Variants in USP9X observed in about 807,000 individuals in gnomAD.
USP9X encodes the protein ubiquitin carboxyl-terminal hydrolase 9X.
USP9X carries 7 observed loss-of-function variants against 190.3 expected under a neutral mutation model. That is an observed-to-expected ratio of 0.04 (90% CI 0.02 to 0.07). The LOEUF (loss-of-function observed/expected upper bound fraction) is 0.07. Ranked by LOEUF, USP9X falls within the 10% of genes least tolerant of loss-of-function variation. The pLI is 1.00. For synonymous variants in USP9X, 645 were observed against 659.5 expected, an observed-to-expected ratio of 0.98 and a Z score of 0.34; for missense variants, 1,010 against 1,916.9, an observed-to-expected ratio of 0.53 and a Z score of 8.83.
intron 4 of USP9X, among the ~76,000 whole-genome samples, chrX:41,132,228 A>G (rs910215837): frequency 5.6e-5 from 6 of 106,423 alleles, no homozygotes; most frequent in East Asian, 2.9e-4. Context: ...TCTACCTCCT[A>G]TGTTCAAGCA....
Position 41,089,652 on chromosome X carries a change from TTC to T in USP9X, c.-159+3545_-159+3546del, listed in dbSNP as rs1360734234. Among the ~76,000 whole-genome samples the T allele has an allele frequency of 8.0e-5, 9 of 111,945 alleles. No homozygotes were observed. In the East Asian group the frequency reaches 1.7e-3, roughly 21 times the overall value. ...AATTACCGTTTAGTGTCACATGAAA[TTC>T]TGTTATCTCAGTTTGAGAATTTAGA... On this transcript the variant is annotated intron_variant, in intron 1 of 44. Coordinates refer to ENST00000378308, the MANE Select transcript of USP9X (RefSeq NM_001039591.3).
intron 1 of USP9X, among the ~76,000 whole-genome samples, chrX:41,111,653 A>G (rs1221438361): frequency 9.0e-6 from 1 of 110,861 alleles, no homozygotes; most frequent in East Asian, 2.8e-4. Flanking sequence ...AACTAAGCAG[A>G]CTGCTTTGTT....
chrX:41,175,797 A>G (rs1172233636), intron 21 of USP9X, among the ~76,000 whole-genome samples: 1 of 109,716 alleles, frequency 9.1e-6, no homozygotes, highest in Admixed American at 9.8e-5. Flanking sequence ...GAATATATAT[A>G]TGTGTGTAAG....
intron 23 of USP9X, 29 bp downstream of exon 23, chrX:41,184,704 A>G (rs778627321): frequency 5.4e-6 from 6 of 1,112,107 alleles, no homozygotes; most frequent in Non-Finnish European, 7.3e-6. Flanking sequence ...AAATCCTTTT[A>G]TAATAGTAGA....
chrX:41,168,684 G>A (rs2062698977), intron 18 of USP9X, among the ~76,000 whole-genome samples: 1 of 111,346 alleles, frequency 9.0e-6, no homozygotes, highest in African/African-American at 3.3e-5. Context: ...TTGTGGAGGT[G>A]GGGTTTCACT....
At chrX:41,195,046 C>CTTTTTTTTTTTT (rs931341447) in intron 26 of USP9X, among the ~76,000 whole-genome samples, 6 of 104,686 alleles carry the variant, frequency 5.7e-5, no homozygotes, top group Non-Finnish European at 7.8e-5. Context: ...TTTTTTCTTT[C>CTTTTTTTTTTTT]TTTTTTTTGG....
intron 10 of USP9X, 142 bp from the exon 11 acceptor site, chrX:41,144,380 G>T (rs2147056965): frequency 2.0e-6 from 1 of 488,255 alleles, no homozygotes; most frequent in African/African-American, 2.5e-5. Context: ...CCACTGTGCG[G>T]GCTGTGTTAG....
At chrX:41,200,454 T>C (rs2063031648) in intron 30 of USP9X, among the ~76,000 whole-genome samples, 1 of 111,912 alleles carries the variant, frequency 8.9e-6, no homozygotes, top group African/African-American at 3.3e-5. Flanking sequence ...GTACAGTGAT[T>C]TACAATTATC....
intron 36 of USP9X, among the ~76,000 whole-genome samples, 190 bp downstream of exon 36, chrX:41,217,533 G>A (rs2063223448): frequency 8.9e-6 from 1 of 111,770 alleles, no homozygotes; most frequent in African/African-American, 3.3e-5. Flanking sequence ...TTGTTATTCA[G>A]AAGCTGACTT....
intron 18 of USP9X, 76 bp downstream of exon 18, chrX:41,168,294 C>A: frequency 1.1e-6 from 1 of 899,941 alleles, no homozygotes; most frequent in Non-Finnish European, 1.5e-6. Flanking sequence ...AAAAGGAGAG[C>A]AGAAATTTTT....
chrX:41,086,790 G>T (rs970049647), intron 1 of USP9X, among the ~76,000 whole-genome samples: 4 of 112,696 alleles, frequency 3.5e-5, no homozygotes, highest in Non-Finnish European at 7.5e-5. Flanking sequence ...TTCCAAGCTA[G>T]CTTGGACCTA....
chrX:41,201,939 C>G (rs2063045643), intron 31 of USP9X, among the ~76,000 whole-genome samples: 1 of 111,589 alleles, frequency 9.0e-6, no homozygotes, highest in African/African-American at 3.3e-5. Flanking sequence ...CCAGTGCACT[C>G]CAGCCTAGGT....
At chrX:41,143,527 GA>G in intron 10 of USP9X, 84 bp downstream of exon 10, 1 of 891,503 alleles carries the variant, frequency 1.1e-6, no homozygotes, top group Non-Finnish European at 1.5e-6. Flanking sequence ...TCATGAAATG[GA>G]TGCAGGCTTG....
At position 41,147,450 on chromosome X, in the gene USP9X, G is replaced by GTTT. The variant is rs760854080; in HGVS notation, c.1420-901_1420-899dup. ...ATCTTCTCTCATTAACTTAATCGTTGTTTTTTTTTTTTTTTTTTTTGGAGA... is the reference window on the plus strand; with the variant it reads ...ATCTTCTCTCATTAACTTAATCGTTGTTTTTTTTTTTTTTTTTTTTTTTGGAGA... On this transcript the variant is annotated intron_variant, in intron 11 of 44. Coordinates refer to ENST00000378308, the MANE Select transcript of USP9X (RefSeq NM_001039591.3). Among the ~76,000 whole-genome samples, 111 of 69,750 alleles carry GTTT rather than the reference G, an allele frequency of 1.6e-3. 1 individual carries two copies. The highest frequency in any genetic ancestry group is 1.7e-3 in the Non-Finnish European group (65 of 38,268). The allele number at this position is 69,750 out of a possible 115,157, so 60.6% of individuals were successfully genotyped here.
rs141329802 is a variant in USP9X at position 41,135,717 on chromosome X, G to A, written c.435+880G>A. On this transcript the variant is annotated intron_variant, in intron 5 of 44. Coordinates refer to ENST00000378308, the MANE Select transcript of USP9X (RefSeq NM_001039591.3). ...GCGATCTCAGCTCACTGCAACCTCC[G>A]CCTCCCAGGTTGAAGTGATTCTTCT... 8.5e-3 allele frequency among the ~76,000 whole-genome samples: 946 copies of A among 111,295 alleles called. 9 individuals are homozygous for A. Among genetic ancestry groups the A allele is most frequent in the Middle Eastern group, 0.037 (8 of 216 alleles).
chrX:41,088,729 C>T (rs1339779220), intron 1 of USP9X, among the ~76,000 whole-genome samples: 1 of 108,965 alleles, frequency 9.2e-6, no homozygotes, highest in African/African-American at 3.4e-5. Context: ...TGTTTCCCCT[C>T]TTGTAGGTAT....
intron 24 of USP9X, 145 bp from the exon 25 acceptor site, chrX:41,187,847 T>C: frequency 1.8e-6 from 1 of 566,063 alleles, no homozygotes; most frequent in Non-Finnish European, 2.6e-6. Context: ...TTTTTTTTTT[T>C]TAAGACAAAG....
intron 12 of USP9X, among the ~76,000 whole-genome samples, chrX:41,149,515 C>T (rs1812052982): frequency 9.2e-6 from 1 of 109,182 alleles, no homozygotes; most frequent in African/African-American, 3.3e-5. Context: ...CTTCTGCTTG[C>T]CAAAACTGTT....
At chrX:41,153,188 T>C in intron 14 of USP9X, 107 bp downstream of exon 14, 1 of 839,592 alleles carries the variant, frequency 1.2e-6, no homozygotes, top group Non-Finnish European at 1.6e-6. Context: ...TAAGATCCAC[T>C]ATTACTCCCA....
Sources: gnomAD v4.1 joint callset for allele counts (sites outside exome capture counted in the v4.1 genomes callset) on GRCh38, gnomAD v4.1.1 for gene constraint, MANE v1.5 for transcripts, NCBI Gene and HGNC (gene_info 2026-07-23, HGNC 2026-07-21) for gene names.